The following FBXL2 variants were observed in gnomAD, a reference collection of about 807,000 sequenced individuals.
The protein encoded by FBXL2 is F-box/LRR-repeat protein 2.
In FBXL2, 38 loss-of-function variants were observed where a neutral mutation model predicts 69.2. The ratio of observed to expected loss-of-function variants is 0.55; its 90% CI spans 0.42 to 0.72. The LOEUF (loss-of-function observed/expected upper bound fraction) is 0.72, where lower values mean the gene tolerates loss of function less well. FBXL2 is among the 30% of genes least tolerant of loss of function. The probability of loss-of-function intolerance (pLI) is 0.00; values close to 1 mark genes in which losing one functional copy is unlikely to be tolerated. For synonymous variants in FBXL2, 192 were observed against 201.3 expected (o/e 0.95, Z 0.39); for missense variants, 354 against 520.3 (o/e 0.68, Z 3.11).
chr3:33,325,878 TATA>T (rs1440681448), intron 2 of FBXL2, among the ~76,000 whole-genome samples: 1 of 152,156 alleles, frequency 6.6e-6, no homozygotes, highest in Non-Finnish European at 1.5e-5. Flanking sequence ...TACCAAAAAA[TATA>T]ATGATTGCAA....
chr3:33,409,738 A>G, the FBXL2 span: 5 of 1,093,728 alleles, frequency 4.6e-6, no homozygotes. Flanking sequence ...TATTAGCCAA[A>G]TTATCTATGA....
At chr3:33,317,771 C>A (rs2037840817) in intron 2 of FBXL2, among the ~76,000 whole-genome samples, 1 of 152,040 alleles carries the variant, frequency 6.6e-6, no homozygotes, top group African/African-American at 2.4e-5. Flanking sequence ...GGGAATATGC[C>A]CTTACTGGGG....
At chr3:33,349,801 G>A (rs1193650575) in intron 2 of FBXL2, among the ~76,000 whole-genome samples, 1 of 152,094 alleles carries the variant, frequency 6.6e-6, no homozygotes, top group East Asian at 1.9e-4. Flanking sequence ...AACTTAGATG[G>A]AAAGGACTAA....
chr3:33,289,861 CA>C (rs1009826276), intron 1 of FBXL2: 65 of 869,338 alleles, frequency 7.5e-5, no homozygotes, highest in Non-Finnish European at 1.2e-5. Flanking sequence ...TGTAGTGCAC[CA>C]GGGGGTTTAT....
downstream of FBXL2, chr3:33,391,443 C>G (rs2043758427): frequency 2.0e-5 from 3 of 152,218 alleles, no homozygotes; most frequent in African/African-American, 7.2e-5. Context: ...ACAACTTCTA[C>G]AGCTTTGAGT....
chr3:33,400,388 G>A (rs556651302), intron 12 of FBXL2: 77 of 799,222 alleles, frequency 9.6e-5, no homozygotes, highest in Non-Finnish European at 1.4e-4. Context: ...CACCCAAAAA[G>A]AGCATGAGTC....
intron 1 of FBXL2, among the ~76,000 whole-genome samples, chr3:33,291,228 C>T (rs959058463): frequency 1.3e-5 from 2 of 152,152 alleles, no homozygotes; most frequent in Non-Finnish European, 2.9e-5. Context: ...TGTGCCTGGC[C>T]TGGAAGAACT....
At position 33,398,691 on chromosome 3, in the gene FBXL2, T is replaced by C. The variant is rs148153295; in HGVS notation, n.1215-4543T>C. ...AAGGAAAAGGCAGAAGGCCACGCCA[T>C]GTGATCACTGCTCACAGCGAAAGGG... On this transcript the variant is annotated intron_variant and non_coding_transcript_variant, in intron 12 of 12. Coordinates refer to the FBXL2 transcript ENST00000463736. 3.9e-5 allele frequency among the ~76,000 whole-genome samples: 6 copies of C among 152,352 alleles called. 1 individual carries two copies. Among genetic ancestry groups the C allele is most frequent in the African/African-American group, 1.4e-4 (6 of 41,600 alleles).
At chr3:33,278,829 A>G (rs1402998897) in intron 1 of FBXL2, among the ~76,000 whole-genome samples, 1 of 152,218 alleles carries the variant, frequency 6.6e-6, no homozygotes, top group African/African-American at 2.4e-5. Flanking sequence ...TTATGAAGAT[A>G]TAAGTGTTTC....
At chr3:33,403,711 C>T (rs1163390476), downstream of FBXL2, 1 of 152,206 alleles carries the variant, frequency 6.6e-6, no homozygotes, top group Non-Finnish European at 1.5e-5. Context: ...CACGGAGATA[C>T]ACTATTACAA....
At chr3:33,410,292 A>C in the FBXL2 span, among the ~76,000 whole-genome samples, 1 of 152,320 alleles carries the variant, frequency 6.6e-6, no homozygotes, top group South Asian at 2.1e-4. Context: ...GTCATTTCTG[A>C]CTGCTGCACA....
intron 2 of FBXL2, among the ~76,000 whole-genome samples, chr3:33,337,805 T>A (rs563015949): frequency 6.6e-6 from 1 of 152,298 alleles, no homozygotes; most frequent in South Asian, 2.1e-4. Flanking sequence ...GTCAGTAGCA[T>A]TTCTGTAGAC....
rs370195852 is a variant in FBXL2, at chr3:33,373,589, G to A, written c.467G>A (p.Arg156Gln). The change falls in exon 8 of 15, where the codon CGA (arginine) becomes CAA (glutamine). Residue 156 changes from arginine (R) to glutamine (Q), a missense_variant. Physicochemically the swap from Arg to Gln is conservative, Grantham distance 43. Transcript: ENST00000484457. ...TCTTGTTCTCTCAGTGAGGGCTGCC[G>A]AAACCTGGAGTACCTGAACCTCTCT... Reference protein sequence around the residue: ...SSLKGISEGCRNLEYLNLSWC... With the variant: ...SSLKGISEGCQNLEYLNLSWC... The A allele has an allele frequency of 1.2e-6, 2 of 1,614,012 alleles. No homozygotes were observed. Among genetic ancestry groups the A allele is most frequent in the African/African-American group, 1.3e-5 (1 of 74,908 alleles).
chr3:33,354,265 G>T (rs1409114481), intron 2 of FBXL2, among the ~76,000 whole-genome samples: 1 of 151,980 alleles, frequency 6.6e-6, no homozygotes, highest in Non-Finnish European at 1.5e-5. Flanking sequence ...TGTAATCCGA[G>T]CACTTTGGGA....
At chr3:33,407,947 CATAAA>C (rs747574461), downstream of FBXL2, among the ~76,000 whole-genome samples, 3 of 152,140 alleles carry the variant, frequency 2.0e-5, no homozygotes, top group Non-Finnish European at 4.4e-5. Context: ...AGAGTCATGT[CATAAA>C]ATAAAGATTT....
At chr3:33,291,887 G>C (rs2035259655) in intron 1 of FBXL2, among the ~76,000 whole-genome samples, 1 of 152,128 alleles carries the variant, frequency 6.6e-6, no homozygotes, top group African/African-American at 2.4e-5. Context: ...GCAATTGTCA[G>C]GCTGGATAAA....
At chr3:33,312,591 A>C (rs1023296660) in intron 2 of FBXL2, among the ~76,000 whole-genome samples, 3 of 152,206 alleles carry the variant, frequency 2.0e-5, no homozygotes, top group South Asian at 2.1e-4. Flanking sequence ...TGGGAAGGCT[A>C]TCTGGCTTCC....
At chr3:33,303,767 G>GA (rs2036486979) in intron 2 of FBXL2, among the ~76,000 whole-genome samples, 1 of 151,856 alleles carries the variant, frequency 6.6e-6, no homozygotes, top group Non-Finnish European at 1.5e-5. Context: ...AATATGCAAA[G>GA]AAAATCAAAA....
chr3:33,367,408 C>T (rs1303880334), intron 5 of FBXL2, among the ~76,000 whole-genome samples: 1 of 152,154 alleles, frequency 6.6e-6, no homozygotes, highest in Non-Finnish European at 1.5e-5. Context: ...GTATAGAACT[C>T]TTCAGATTAT....
Sources: gnomAD v4.1 joint callset for allele counts (sites outside exome capture counted in the v4.1 genomes callset) on GRCh38, gnomAD v4.1.1 for gene constraint, MANE v1.5 for transcripts, NCBI Gene and HGNC (gene_info 2026-07-23, HGNC 2026-07-21) for gene names.